Variants in SEL1L2 observed in about 807,000 individuals in gnomAD.
SEL1L2 encodes protein sel-1 homolog 2.
SEL1L2 carries 89 observed loss-of-function variants against 98.8 expected under a neutral mutation model. The ratio of observed to expected loss-of-function variants is 0.90; its 90% CI spans 0.76 to 1.07. SEL1L2 has a LOEUF of 1.07. Ranked by LOEUF, SEL1L2 falls within the 50% of genes least tolerant of loss-of-function variation. The pLI, the probability that SEL1L2 is intolerant of heterozygous loss-of-function variation, is 0.00. For synonymous variants in SEL1L2, 262 were observed against 278.5 expected (o/e 0.94, Z 0.59); for missense variants, 788 against 812.0 (o/e 0.97, Z 0.36).
Position 13,849,404 on chromosome 20 carries a change from T to C in SEL1L2, c.*81A>G, listed in dbSNP as rs554863227. On this transcript the variant is annotated 3_prime_UTR_variant, in exon 20 of 20. Coordinates refer to ENST00000284951, the MANE Select transcript of SEL1L2 (RefSeq NM_025229.2). ...CGGGAAACTGCAGCGGACTCTTGAT[T>C]TGGATGGGAAACTGTTTATTTAGTG... 7 of 1,547,494 alleles carry C rather than the reference T, an allele frequency of 4.5e-6. No individual in the cohort carries two copies. The South Asian group carries it at 8.5e-5, about 19-fold the overall frequency.
intron 1 of SEL1L2, among the ~76,000 whole-genome samples, chr20:13,956,692 T>A (rs979163551): frequency 2.0e-5 from 3 of 152,126 alleles, no homozygotes; most frequent in Admixed American, 6.6e-5. Context: ...TACTTTTTTT[T>A]ATAAAGACTA....
chr20:13,925,682 A>G (rs950587767), intron 3 of SEL1L2, among the ~76,000 whole-genome samples: 28 of 152,166 alleles, frequency 1.8e-4, no homozygotes, highest in African/African-American at 6.3e-4. Flanking sequence ...TCTGACTACA[A>G]CTCGCCAAAA....
At chr20:13,923,949 T>TA (rs1231634018) in intron 3 of SEL1L2, among the ~76,000 whole-genome samples, 1 of 152,214 alleles carries the variant, frequency 6.6e-6, no homozygotes, top group Non-Finnish European at 1.5e-5. Flanking sequence ...TCATTTCCTA[T>TA]TGCAAGACTG....
chr20:13,984,197 A>G (rs951514863), intron 1 of SEL1L2, among the ~76,000 whole-genome samples: 1 of 151,942 alleles, frequency 6.6e-6, no homozygotes, highest in African/African-American at 2.4e-5. Context: ...TATTTAGTAG[A>G]CATGGGGTTT....
At chr20:13,914,905 G>C (rs996532557) in intron 4 of SEL1L2, among the ~76,000 whole-genome samples, 2 of 152,204 alleles carry the variant, frequency 1.3e-5, no homozygotes, top group Non-Finnish European at 2.9e-5. Flanking sequence ...ATCTGGACCT[G>C]ATTGGTATAA....
At chr20:13,866,206 A>G (rs1317307531) in intron 15 of SEL1L2, among the ~76,000 whole-genome samples, 1 of 152,210 alleles carries the variant, frequency 6.6e-6, no homozygotes, top group African/African-American at 2.4e-5. Flanking sequence ...AATGAAGGAC[A>G]TTAAGGTCCT....
At position 13,932,441 on chromosome 20, in the gene SEL1L2, ATTATTT is replaced by A. The variant is rs995198453; in HGVS notation, c.115-676_115-671del. 2.3e-4 allele frequency among the ~76,000 whole-genome samples: 15 copies of A among 64,478 alleles called. No homozygotes were observed. In the South Asian group the frequency reaches 4.2e-3, roughly 18 times the overall value. The allele number at this position is 64,478 out of a possible 152,430, so 42.3% of individuals were successfully genotyped here. A position where few individuals can be genotyped will look rare whatever the true frequency, so the allele number is the denominator to read the frequency against. ...TATTATTATTATTATTATTATTATT[ATTATTT>A]TTTGAGACGAGTTTCACTCTGTCAC... On this transcript the variant is annotated intron_variant, in intron 2 of 19. Coordinates refer to ENST00000284951, the MANE Select transcript of SEL1L2 (RefSeq NM_025229.2).
chr20:13,878,183 G>T (rs1237191552), intron 10 of SEL1L2, among the ~76,000 whole-genome samples: 9 of 152,120 alleles, frequency 5.9e-5, no homozygotes, highest in Admixed American at 3.3e-4. Flanking sequence ...AACACATAAG[G>T]GCTGACCTTG....
chr20:13,935,076 ACTGT>A (rs1473010544), intron 2 of SEL1L2, among the ~76,000 whole-genome samples: 1 of 152,180 alleles, frequency 6.6e-6, no homozygotes, highest in Non-Finnish European at 1.5e-5. Context: ...AATGCCTGTG[ACTGT>A]CTGATGTTTC....
Position 13,934,463 on chromosome 20 carries a change from T to TATATATATTCCATATATATATATTCC in SEL1L2, c.115-2693_115-2692insGGAATATATATATATGGAATATATAT, listed in dbSNP as rs1568998217. On this transcript the variant is annotated intron_variant, in intron 2 of 19. Coordinates refer to ENST00000284951, the MANE Select transcript of SEL1L2 (RefSeq NM_025229.2). Reference sequence around the variant, plus strand: ...ATATATTCCATATATATATATTCCATATATATATATTCCATATATATATAT... The same window carrying TATATATATTCCATATATATATATTCC: ...ATATATTCCATATATATATATTCCATATATATATTCCATATATATATATTCCATATATATATTCCATATATATATAT... Among the ~76,000 whole-genome samples, 8 of 1,842 alleles carry TATATATATTCCATATATATATATTCC rather than the reference T, an allele frequency of 4.3e-3. 1 individual carries two copies. The highest frequency in any genetic ancestry group is 0.071 in the East Asian group (2 of 28). 1.2% of individuals were successfully genotyped at this position (1,842 alleles called of 152,430 possible). A position where few individuals can be genotyped will look rare whatever the true frequency, so the allele number is the denominator to read the frequency against.
intron 1 of SEL1L2, among the ~76,000 whole-genome samples, chr20:13,972,805 G>A (rs1478357161): frequency 1.3e-5 from 2 of 152,078 alleles, no homozygotes; most frequent in African/African-American, 4.8e-5. Flanking sequence ...TTTCTCTTTA[G>A]AAGCTTTTAG....
intron 18 of SEL1L2, among the ~76,000 whole-genome samples, chr20:13,857,980 T>G (rs983554447): frequency 7.2e-5 from 11 of 152,222 alleles, no homozygotes; most frequent in African/African-American, 2.7e-4. Context: ...CTATCCATCC[T>G]GTCCCATTCT....
chr20:13,853,583 G>C (rs1396487362), intron 18 of SEL1L2, among the ~76,000 whole-genome samples: 1 of 152,182 alleles, frequency 6.6e-6, no homozygotes, highest in Non-Finnish European at 1.5e-5. Context: ...AATACTTACT[G>C]TGTGCCAGTT....
At chr20:13,894,863 C>T (rs971132668) in intron 5 of SEL1L2, among the ~76,000 whole-genome samples, 5 of 152,128 alleles carry the variant, frequency 3.3e-5, no homozygotes, top group Admixed American at 2.6e-4. Context: ...AACCTCCCGA[C>T]AAAGAAAAGC....
Position 13,885,309 on chromosome 20 carries a change from TCCCCAC to T in SEL1L2, c.957+32_957+37del, listed in dbSNP as rs2046898685. The T allele has an allele frequency of 1.1e-5, 15 of 1,384,436 alleles. No homozygotes were observed. The East Asian group carries it at 3.4e-4, about 32-fold the overall frequency. 85.8% of individuals were successfully genotyped at this position (1,384,436 alleles called of 1,614,324 possible). A position where few individuals can be genotyped will look rare whatever the true frequency, so the allele number is the denominator to read the frequency against. On this transcript the variant is annotated intron_variant, in intron 10 of 19. Coordinates refer to ENST00000284951, the MANE Select transcript of SEL1L2 (RefSeq NM_025229.2). ...CTGCCAGCCTCCCTCACCACTACCT[TCCCCAC>T]CCCATTTGACTGGATCTTGAGATTG...
At chr20:13,888,373 G>A in intron 6 of SEL1L2, 86 bp downstream of exon 6, 1 of 845,380 alleles carries the variant, frequency 1.2e-6, no homozygotes, top group Non-Finnish European at 1.9e-6. Context: ...ACTAGAGTGA[G>A]CCCCTTTACT....
At position 13,859,249 on chromosome 20, in the gene SEL1L2, C is replaced by T. The variant is rs775839271; in HGVS notation, c.1818+13G>A. ...TGTCATTACTAGGTTTGAATTATTACCAGCAAAATTACCTTTGTGATGCCT... is the reference window on the plus strand; with the variant it reads ...TGTCATTACTAGGTTTGAATTATTATCAGCAAAATTACCTTTGTGATGCCT... On this transcript the variant is annotated intron_variant, in intron 18 of 19. Coordinates refer to ENST00000284951, the MANE Select transcript of SEL1L2 (RefSeq NM_025229.2). 2 of 1,612,120 alleles carry T rather than the reference C, an allele frequency of 1.2e-6. No individual in the cohort carries two copies. The highest frequency in any genetic ancestry group is 1.7e-5 in the Admixed American group (1 of 59,954).
intron 5 of SEL1L2, 183 bp downstream of exon 5, chr20:13,913,599 G>T: frequency 2.3e-6 from 1 of 429,626 alleles, no homozygotes; most frequent in Non-Finnish European, 4.0e-6. Flanking sequence ...TTTAGCTGTT[G>T]GGGGTTCGGA....
At chr20:13,866,580 G>A in intron 15 of SEL1L2, 122 bp downstream of exon 15, 1 of 840,614 alleles carries the variant, frequency 1.2e-6, no homozygotes, top group Non-Finnish European at 1.7e-6. Flanking sequence ...TATTCACATT[G>A]TCAACTGGAA....
Sources: allele counts gnomAD v4.1 joint callset (sites outside exome capture counted in the v4.1 genomes callset), GRCh38; gene constraint gnomAD v4.1.1; transcripts MANE v1.5; gene names NCBI Gene and HGNC (gene_info 2026-07-23, HGNC 2026-07-21).